The following MRTFA variants were observed in gnomAD, a reference collection of about 807,000 sequenced individuals.
MRTFA encodes myocardin-related transcription factor A.
MRTFA carries 20 observed loss-of-function variants against 83.5 expected under a neutral mutation model. The ratio of observed to expected loss-of-function variants is 0.24; its 90% CI spans 0.17 to 0.35. The LOEUF (loss-of-function observed/expected upper bound fraction) is 0.35, where lower values mean the gene tolerates loss of function less well. Among genes scored for constraint, MRTFA ranks in the 10% least tolerant of loss-of-function variants. The pLI is 1.00. For missense variants in MRTFA, 1,200 were observed against 1,224.7 expected (o/e 0.98, Z 0.30); for synonymous variants, 659 against 541.2 (o/e 1.22, Z -3.02).
intron 1 of MRTFA, among the ~76,000 whole-genome samples, chr22:40,599,543 C>G (rs2056233288): frequency 6.6e-6 from 1 of 152,034 alleles, no homozygotes; most frequent in South Asian, 2.1e-4. Flanking sequence ...TTCAAACAAG[C>G]ACTTCTTTGG....
Position 40,507,504 on chromosome 22 carries a change from C to T in MRTFA, c.242-44218G>A, listed in dbSNP as rs563876794. On this transcript the variant is annotated intron_variant, in intron 3 of 14. Transcript: ENST00000355630. ...AAAAAATTAGAAGGGTGCCTGCAGT[C>T]CTAGCTATTAGAGAGGCTGAGGTGG... Among the ~76,000 whole-genome samples the T allele has an allele frequency of 5.9e-5, 9 of 151,964 alleles. No individual in the cohort carries two copies. In the South Asian group the frequency reaches 1.9e-3, roughly 32 times the overall value.
At chr22:40,620,423 CTTTTTTTTTT>C (rs747409456) in intron 1 of MRTFA, among the ~76,000 whole-genome samples, 14 of 94,180 alleles carry the variant, frequency 1.5e-4, no homozygotes, top group African/African-American at 5.7e-4. Flanking sequence ...AACATGCAGT[CTTTTTTTTTT>C]TTTTTTTTTT....
rs180736162 is a variant in MRTFA at position 40,420,567 on chromosome 22, G to A, written c.1191C>T (p.Gly397=). 52 of 1,613,168 alleles carry A rather than the reference G, an allele frequency of 3.2e-5. No individual in the cohort carries two copies. In the East Asian group the frequency reaches 9.6e-4, roughly 30 times the overall value. ...GGGTCCCGCTGCTTCCCAGGGCCTC[G>A]CCTGCTGACCTGGGAAGAAAAGGCA... The change falls in exon 11 of 15, where the codon GGC becomes GGT. Residue 397 remains glycine (G), a synonymous_variant. Transcript: ENST00000355630.
chr22:40,480,896 G>C (rs1364500204), intron 3 of MRTFA, among the ~76,000 whole-genome samples: 2 of 151,926 alleles, frequency 1.3e-5, no homozygotes, highest in Non-Finnish European at 2.9e-5. Flanking sequence ...TTACAGGCAT[G>C]AGCCAACATG....
chr22:40,549,654 G>T (rs1358803783), intron 3 of MRTFA, among the ~76,000 whole-genome samples: 4 of 152,176 alleles, frequency 2.6e-5, no homozygotes, highest in African/African-American at 9.7e-5. Flanking sequence ...TACTCACTTT[G>T]TGATAATAAC....
At chr22:40,619,048 T>C (rs2056488742) in intron 1 of MRTFA, among the ~76,000 whole-genome samples, 1 of 151,898 alleles carries the variant, frequency 6.6e-6, no homozygotes, top group Non-Finnish European at 1.5e-5. Flanking sequence ...GGTGTGATGG[T>C]CAGTTTTATG....
At chr22:40,509,216 TG>T (rs2054629191) in intron 3 of MRTFA, among the ~76,000 whole-genome samples, 1 of 152,144 alleles carries the variant, frequency 6.6e-6, no homozygotes, top group Non-Finnish European at 1.5e-5. Context: ...TAAGCAGAGG[TG>T]GTCACATTCT....
chr22:40,507,795 T>C (rs2054603144), intron 3 of MRTFA, among the ~76,000 whole-genome samples: 1 of 151,450 alleles, frequency 6.6e-6, no homozygotes, highest in African/African-American at 2.4e-5. Flanking sequence ...AAACCCCGTC[T>C]CTACTAAAAA....
chr22:40,507,984 A>AAG (rs959213624), intron 3 of MRTFA, among the ~76,000 whole-genome samples: 2 of 150,372 alleles, frequency 1.3e-5, no homozygotes, highest in Admixed American at 6.6e-5. Flanking sequence ...AAAAAAAAAA[A>AAG]AAAAAAAAAA....
At chr22:40,567,844 T>G in intron 2 of MRTFA, among the ~76,000 whole-genome samples, 1 of 152,324 alleles carries the variant, frequency 6.6e-6, no homozygotes, top group South Asian at 2.1e-4. Flanking sequence ...ACAGCCCTAT[T>G]TTCCAGTGCC....
chr22:40,547,028 A>G (rs6001960), intron 3 of MRTFA, among the ~76,000 whole-genome samples: 116,127 of 151,800 alleles, frequency 0.77, 44,802 homozygotes, highest in East Asian at 0.9. Context: ...GGTGGTAGGC[A>G]CCTGTAGTCC....
At chr22:40,477,899 G>GAAGTT (rs2054024999) in intron 3 of MRTFA, among the ~76,000 whole-genome samples, 1 of 152,078 alleles carries the variant, frequency 6.6e-6, no homozygotes, top group South Asian at 2.1e-4. Flanking sequence ...TTAGGAACAT[G>GAAGTT]TAGTCAGTGA....
intron 3 of MRTFA, among the ~76,000 whole-genome samples, chr22:40,506,029 C>G (rs188257181): frequency 1.1e-4 from 16 of 152,086 alleles, no homozygotes; most frequent in African/African-American, 3.6e-4. Flanking sequence ...GTCAGAAGAT[C>G]GAGACCATCC....
intron 3 of MRTFA, among the ~76,000 whole-genome samples, chr22:40,490,847 G>C (rs897569543): frequency 1.3e-5 from 2 of 151,946 alleles, no homozygotes; most frequent in African/African-American, 4.8e-5. Flanking sequence ...AGATAATTAG[G>C]GTTTCCAAGA....
chr22:40,614,094 C>A (rs1348349927), intron 1 of MRTFA, among the ~76,000 whole-genome samples: 1 of 151,412 alleles, frequency 6.6e-6, no homozygotes, highest in African/African-American at 2.4e-5. Context: ...CCCAGCTACT[C>A]GGGAGGCTGA....
At chr22:40,477,112 G>C (rs943458856) in intron 3 of MRTFA, among the ~76,000 whole-genome samples, 1 of 144,798 alleles carries the variant, frequency 6.9e-6, no homozygotes, top group South Asian at 2.2e-4. Flanking sequence ...GGCAGATCAC[G>C]TGAGGTCAGG....
intron 3 of MRTFA, among the ~76,000 whole-genome samples, chr22:40,540,792 A>AT (rs927724732): frequency 2.7e-5 from 4 of 150,566 alleles, no homozygotes; most frequent in Non-Finnish European, 5.9e-5. Context: ...AAAAAAAAAA[A>AT]AAAACCAAAA....
At chr22:40,556,425 A>T (rs1158874471) in intron 2 of MRTFA, among the ~76,000 whole-genome samples, 1 of 152,184 alleles carries the variant, frequency 6.6e-6, no homozygotes, top group Non-Finnish European at 1.5e-5. Flanking sequence ...AAAGATCCAG[A>T]TAACAGTAAT....
At chr22:40,613,104 TTC>T (rs1278850606) in intron 1 of MRTFA, among the ~76,000 whole-genome samples, 1 of 152,206 alleles carries the variant, frequency 6.6e-6, no homozygotes, top group Non-Finnish European at 1.5e-5. Context: ...ATATAGTAAG[TTC>T]TCTTTTGTTT....
Sources: gnomAD v4.1 joint callset for allele counts (sites outside exome capture counted in the v4.1 genomes callset) on GRCh38, gnomAD v4.1.1 for gene constraint, MANE v1.5 for transcripts, NCBI Gene and HGNC (gene_info 2026-07-23, HGNC 2026-07-21) for gene names.